The following CDH17 variants were observed in gnomAD, a reference collection of about 807,000 sequenced individuals.
The protein encoded by CDH17 is cadherin 17, also known as cadherin-17.
In CDH17, 67 loss-of-function variants were observed where a neutral mutation model predicts 86.3. That is an observed-to-expected ratio of 0.78 (90% CI 0.64 to 0.95). CDH17 has a LOEUF of 0.95. CDH17 is among the 40% of genes least tolerant of loss of function. The pLI, the probability that CDH17 is intolerant of heterozygous loss-of-function variation, is 0.00. For missense variants in CDH17, 993 were observed against 1,017.6 expected, an observed-to-expected ratio of 0.98 and a Z score of 0.33; for synonymous variants, 367 against 366.4, an observed-to-expected ratio of 1.00 and a Z score of -0.02.
intron 1 of CDH17, chr8:94,202,975 C>G: frequency 3.2e-6 from 1 of 314,664 alleles, no homozygotes; most frequent in Non-Finnish European, 6.1e-6. Context: ...CCCCTTTTCA[C>G]CTTGCCACTG....
At chr8:94,183,154 C>T (rs1180252015) in intron 3 of CDH17, among the ~76,000 whole-genome samples, 1 of 152,036 alleles carries the variant, frequency 6.6e-6, no homozygotes. Flanking sequence ...ATTTAAAAAT[C>T]TAATGCTATT....
intron 15 of CDH17, among the ~76,000 whole-genome samples, chr8:94,134,525 C>G (rs1054262688): frequency 6.6e-6 from 1 of 151,822 alleles, no homozygotes; most frequent in African/African-American, 2.4e-5. Context: ...TTTTTTATTG[C>G]GTCTATTTGA....
At chr8:94,139,151 T>C (rs1812588228) in intron 15 of CDH17, among the ~76,000 whole-genome samples, 1 of 152,066 alleles carries the variant, frequency 6.6e-6, no homozygotes, top group South Asian at 2.1e-4. Context: ...ATACAGAACA[T>C]TTTAAAAACC....
chr8:94,146,194 G>A (rs757585557), intron 14 of CDH17, 27 bp from the exon 15 acceptor site: 1 of 1,446,370 alleles, frequency 6.9e-7, no homozygotes, highest in Admixed American at 2.6e-5. Context: ...TTGAAACATG[G>A]GATCAGTTCA....
rs1258358628 is a variant in CDH17, at chr8:94,128,241, C to T, written c.2498G>A (p.Ter833=). ...AAATTCAAACATTCCTTTTCAAATTCAGCTTCTCAGAGGTTTGACTTCAGA... is the reference window on the plus strand; with the variant it reads ...AAATTCAAACATTCCTTTTCAAATTTAGCTTCTCAGAGGTTTGACTTCAGA... ...QASEVKPLRS[*] The change falls in exon 18 of 18, where the codon TGA becomes TAA. Residue 833 remains the stop codon, a stop_retained_variant. Transcript: ENST00000027335. The T allele has an allele frequency of 6.3e-7, 1 of 1,599,132 alleles. No homozygotes were observed. Among genetic ancestry groups the T allele is most frequent in the Non-Finnish European group, 8.6e-7 (1 of 1,166,990 alleles).
chr8:94,209,925 T>C (rs1490761573), upstream of CDH17, among the ~76,000 whole-genome samples: 1 of 152,170 alleles, frequency 6.6e-6, no homozygotes, highest in Non-Finnish European at 1.5e-5. Context: ...TTATGAGTTT[T>C]TTTTTTTCAA....
chr8:94,175,794 G>A (rs1048352032), intron 5 of CDH17, among the ~76,000 whole-genome samples: 2 of 152,120 alleles, frequency 1.3e-5, no homozygotes, highest in Non-Finnish European at 2.9e-5. Context: ...CAATATCAAT[G>A]GAGGTTCCTA....
chr8:94,150,411 A>G (rs1053169462), intron 13 of CDH17, among the ~76,000 whole-genome samples: 10 of 152,366 alleles, frequency 6.6e-5, no homozygotes, highest in Admixed American at 4.6e-4. Flanking sequence ...AAAAGAATCT[A>G]TAATATTTGC....
chr8:94,192,348 A>C (rs867362429), intron 2 of CDH17, among the ~76,000 whole-genome samples: 1 of 152,222 alleles, frequency 6.6e-6, no homozygotes, highest in Non-Finnish European at 1.5e-5. Context: ...AGCGTTTTCC[A>C]TCTTGCACAA....
intron 12 of CDH17, among the ~76,000 whole-genome samples, chr8:94,153,787 T>C (rs1386926939): frequency 6.6e-6 from 1 of 152,124 alleles, no homozygotes; most frequent in Non-Finnish European, 1.5e-5. Context: ...GTAAGTGAAA[T>C]AAGCCAGGCA....
rs571922034 is a variant in CDH17, at chr8:94,154,812, T to G, written c.1552-2700A>C. 2.3e-3 allele frequency among the ~76,000 whole-genome samples: 345 copies of G among 152,304 alleles called. 1 individual carries two copies. The highest frequency in any genetic ancestry group is 8.1e-3 in the African/African-American group (335 of 41,574). ...GAGAAGAAGAACTGCATCATATTCA[T>G]CTTTGCTTCTCATCTCTTCCCTGAC... On this transcript the variant is annotated intron_variant, in intron 12 of 17. Transcript: ENST00000027335.
Position 94,130,864 on chromosome 8 carries a change from C to G in CDH17, c.2284+12G>C, listed in dbSNP as rs765553891. 7.0e-6 allele frequency: 11 copies of G among 1,569,846 alleles called. No homozygotes were observed. In the Admixed American group the frequency reaches 1.7e-4, roughly 24 times the overall value. On this transcript the variant is annotated intron_variant, in intron 16 of 17. Transcript: ENST00000027335. The stretch of plus-strand genomic sequence containing the variant: ...AGATACTAGCCTGAGTTGCCTATAG[C>G]AGAATATCTACCTGGTAAAGAAACA...
In CDH17 at chr8:94,130,925, G is replaced by A; in HGVS notation, c.2235C>T (p.Arg745=). ...AGGGTGGCCGACCCCCATCATTGAT[G>A]CGGATCAAGACGACATACTCCCTCT... ...FEEREYVVLI[R]INDGGRPPLE... The change falls in exon 16 of 18, where the codon CGC becomes CGT. Residue 745 remains arginine, a synonymous_variant. Transcript: ENST00000027335. 2 of 1,612,130 alleles carry A rather than the reference G, an allele frequency of 1.2e-6. No individual in the cohort carries two copies. The highest frequency in any genetic ancestry group is 3.3e-4 in the Middle Eastern group (2 of 6,058).
At chr8:94,212,904 G>C (rs1814144519), upstream of CDH17, among the ~76,000 whole-genome samples, 1 of 152,234 alleles carries the variant, frequency 6.6e-6, no homozygotes, top group Non-Finnish European at 1.5e-5. Flanking sequence ...CACATCATCA[G>C]TTGTACATTG....
intron 15 of CDH17, among the ~76,000 whole-genome samples, chr8:94,141,004 C>T (rs1332551049): frequency 6.6e-6 from 1 of 152,024 alleles, no homozygotes; most frequent in Non-Finnish European, 1.5e-5. Context: ...AGGTGGAATG[C>T]TTCCTCATTA....
At chr8:94,191,277 A>C (rs1259780227) in intron 2 of CDH17, among the ~76,000 whole-genome samples, 1 of 152,180 alleles carries the variant, frequency 6.6e-6, no homozygotes, top group Admixed American at 6.5e-5. Flanking sequence ...CCAGCTCAAA[A>C]AATGGTGTAG....
chr8:94,202,976 C>T (rs755918), intron 1 of CDH17: 39,739 of 307,880 alleles, frequency 0.13, 3,300 homozygotes, highest in Non-Finnish European at 0.16. Flanking sequence ...CCCTTTTCAC[C>T]TTGCCACTGG....
At position 94,170,503 on chromosome 8, in the gene CDH17, A is replaced by G; in HGVS notation, c.960T>C (p.Leu320=). Residue 320 remains leucine, a synonymous_variant, in exon 9 of 18, where the codon CTT becomes CTC. Transcript: ENST00000027335. ...TTACATGAATTTCCAGCGGATATGA[A>G]AGTGGTTTTCCGTACTCATCCTTTG... ...AVAKDEYGKP[L]SYPLEIHVKV... 6.8e-6 allele frequency: 11 copies of G among 1,613,938 alleles called. No homozygotes were observed. The highest frequency in any genetic ancestry group is 9.3e-6 in the Non-Finnish European group (11 of 1,179,874).
chr8:94,209,273 C>A (rs574926264), upstream of CDH17, among the ~76,000 whole-genome samples: 58 of 152,326 alleles, frequency 3.8e-4, no homozygotes, highest in Non-Finnish European at 6.3e-4. Flanking sequence ...GTCAAGGCTT[C>A]TTTTAGACCA....
Sources: gnomAD v4.1 joint callset for allele counts (sites outside exome capture counted in the v4.1 genomes callset) on GRCh38, gnomAD v4.1.1 for gene constraint, MANE v1.5 for transcripts, NCBI Gene and HGNC (gene_info 2026-07-23, HGNC 2026-07-21) for gene names.